The following MAPKBP1 variants were observed in gnomAD, a reference collection of about 807,000 sequenced individuals.
The protein encoded by MAPKBP1 is mitogen-activated protein kinase-binding protein 1.
Under a neutral mutation model 170.5 loss-of-function variants are expected in MAPKBP1, and 71 were observed. The ratio of observed to expected loss-of-function variants is 0.42; its 90% CI spans 0.34 to 0.51. The LOEUF (loss-of-function observed/expected upper bound fraction) is 0.51, where lower values mean the gene tolerates loss of function less well. Among genes scored for constraint, MAPKBP1 ranks in the 20% least tolerant of loss-of-function variants. MAPKBP1 has a pLI of 0.06. For synonymous variants in MAPKBP1, 719 were observed against 757.9 expected (o/e 0.95, Z 0.84); for missense variants, 1,598 against 1,933.0 (o/e 0.83, Z 3.25).
intron 3 of MAPKBP1, among the ~76,000 whole-genome samples, chr15:41,802,552 C>T (rs1289353435): frequency 6.6e-6 from 1 of 152,210 alleles, no homozygotes. Flanking sequence ...TAGCTCACTG[C>T]AACCTCTGCC....
Position 41,818,953 on chromosome 15 carries a change from A to G in MAPKBP1, c.2287A>G (p.Asn763Asp). The change falls in exon 20 of 31, where the codon AAC becomes GAC. Residue 763 changes from asparagine (N) to aspartate (D), a missense_variant. This residue lies in a region of MAPKBP1 where 942 missense variants were observed against 953.2 expected (regional missense o/e 0.99). Coordinates refer to ENST00000457542, the MANE Select transcript of MAPKBP1 (RefSeq NM_014994.3). This position sits in a 1 kb window ranked among gnomAD's most constrained non-coding sequence, Gnocchi z 5.2. The stretch of plus-strand genomic sequence containing the variant: ...CTCTCCCCAAAGGGCTTCTGGACCC[A>G]ACCGGTGAGAACAGAATGTGGGCAA... ...PSSPQRASGP[N>D]RHQAPSMLSP... The G allele has an allele frequency of 6.2e-7, 1 of 1,613,996 alleles. No individual in the cohort carries two copies. The highest frequency in any genetic ancestry group is 1.3e-5 in the African/African-American group (1 of 75,050).
chr15:41,824,172 T>C, intron 29 of MAPKBP1, 111 bp downstream of exon 29: 2 of 1,415,452 alleles, frequency 1.4e-6, no homozygotes, highest in Non-Finnish European at 1.9e-6. Context: ...TGGTGTTTCT[T>C]GTCCTGTCTG....
chr15:41,806,417 C>T (rs1440915052), intron 3 of MAPKBP1, among the ~76,000 whole-genome samples: 3 of 152,206 alleles, frequency 2.0e-5, no homozygotes, highest in East Asian at 1.9e-4. Context: ...GTGTCCTGCT[C>T]CCTGTGTCTG....
chr15:41,791,318 G>A (rs953737178), intron 2 of MAPKBP1, among the ~76,000 whole-genome samples: 1 of 152,140 alleles, frequency 6.6e-6, no homozygotes, highest in Non-Finnish European at 1.5e-5. Context: ...AATCCTAGGG[G>A]ACCCTGGCCT....
Position 41,823,555 on chromosome 15 carries a change from C to G in MAPKBP1, c.3707C>G (p.Ser1236Cys), listed in dbSNP as rs2065038854. 1 of 1,614,202 alleles carries G rather than the reference C, an allele frequency of 6.2e-7. No homozygotes were observed. The highest frequency in any genetic ancestry group is 8.5e-7 in the Non-Finnish European group (1 of 1,180,034). ...CTGCCCCCAGCTGATGGCCGTCCGT[C>G]TCGGCCTCACTCCTATCAGAACCCC... ...GSLPPADGRP[S>C]RPHSYQNPTT... Residue 1236 changes from serine (S) to cysteine (C), a missense_variant, in exon 29 of 31, where the codon TCT becomes TGT. Physicochemically the swap from Ser to Cys is moderately radical, Grantham distance 112 (BLOSUM62 -1). Around this residue, in one of 6 missense-constraint regions of MAPKBP1, gnomAD observed 942 missense variants for 953.2 expected, o/e 0.99. Transcript: ENST00000457542.
rs75031310 is a variant in MAPKBP1, at chr15:41,812,718, G to A, written c.636+65G>A. On this transcript the variant is annotated intron_variant, in intron 7 of 30. Coordinates refer to ENST00000457542, the MANE Select transcript of MAPKBP1 (RefSeq NM_014994.3). ...GCAGGGCCTGCCCAGCCCAACCCAGGAGACTCTGCCCCACTTGGGCCTCTC... is the reference window on the plus strand; with the variant it reads ...GCAGGGCCTGCCCAGCCCAACCCAGAAGACTCTGCCCCACTTGGGCCTCTC... 0.023 allele frequency: 35,132 copies of A among 1,527,764 alleles called. 556 individuals carry two copies. The highest frequency in any genetic ancestry group is 0.025 in the Non-Finnish European group (28,309 of 1,141,672). The allele number at this position is 1,527,764 out of a possible 1,614,324, so 94.6% of individuals were successfully genotyped here.
chr15:41,783,126 C>T (rs549768345), intron 2 of MAPKBP1, among the ~76,000 whole-genome samples: 5 of 152,246 alleles, frequency 3.3e-5, no homozygotes, highest in East Asian at 1.9e-4. Context: ...AAGGGCAGAC[C>T]GACGGATGCC....
chr15:41,819,548 G>GGGGGGA, intron 21 of MAPKBP1, 47 bp from the exon 22 acceptor site: 1 of 993,418 alleles, frequency 1.0e-6, no homozygotes, highest in Middle Eastern at 2.4e-4. Context: ...GTTGGGTGGC[G>GGGGGGA]GGGGGGGGGC....
At chr15:41,791,980 G>A (rs536646920) in intron 2 of MAPKBP1, among the ~76,000 whole-genome samples, 19 of 151,544 alleles carry the variant, frequency 1.3e-4, no homozygotes, top group Admixed American at 2.0e-4. Context: ...ACTTGAACCC[G>A]GGAGGTGGAG....
chr15:41,792,055 C>CAA (rs879326004), intron 2 of MAPKBP1, among the ~76,000 whole-genome samples: 2,216 of 127,372 alleles, frequency 0.017, 62 homozygotes, highest in African/African-American at 0.062. Context: ...AACTCCATCT[C>CAA]AAAAAAAAAA....
chr15:41,804,779 A>T (rs1428780965), intron 3 of MAPKBP1, among the ~76,000 whole-genome samples: 1 of 152,254 alleles, frequency 6.6e-6, no homozygotes, highest in Non-Finnish European at 1.5e-5. Context: ...GGCTTAGGCC[A>T]TCCCTGGGCA....
chr15:41,814,891 G>A (rs1487932181), intron 10 of MAPKBP1, 152 bp downstream of exon 10: 3 of 1,015,316 alleles, frequency 3.0e-6, no homozygotes, highest in Admixed American at 2.6e-5. Flanking sequence ...TGGGGACTGA[G>A]TTTGAATGTT....
At chr15:41,813,526 G>T (rs113467878) in intron 8 of MAPKBP1, 95 bp from the exon 9 acceptor site, 5 of 1,524,990 alleles carry the variant, frequency 3.3e-6, no homozygotes, top group Non-Finnish European at 4.5e-6. Context: ...TGCCTTGGCC[G>T]GTCCCTCCTC....
chr15:41,803,006 C>T (rs776209355), intron 3 of MAPKBP1, among the ~76,000 whole-genome samples: 5 of 152,100 alleles, frequency 3.3e-5, no homozygotes, highest in East Asian at 1.9e-4. Context: ...TATTATGTGA[C>T]GTATGACTGT....
At chr15:41,788,140 T>G (rs780599965) in intron 2 of MAPKBP1, among the ~76,000 whole-genome samples, 16 of 151,968 alleles carry the variant, frequency 1.1e-4, no homozygotes, top group Non-Finnish European at 2.2e-4. Context: ...GTATTCTTAT[T>G]AGAGATGGGG....
chr15:41,787,041 G>A (rs368236861), intron 2 of MAPKBP1, among the ~76,000 whole-genome samples: 52 of 151,098 alleles, frequency 3.4e-4, no homozygotes, highest in Admixed American at 1.5e-3. Context: ...TGGGATTACA[G>A]GCGTAATCCT....
Position 41,822,014 on chromosome 15 carries a change from C to T in MAPKBP1, c.2935C>T (p.Pro979Ser). 2 of 1,610,356 alleles carry T rather than the reference C, an allele frequency of 1.2e-6. No individual in the cohort carries two copies. Among genetic ancestry groups the T allele is most frequent in the Non-Finnish European group, 1.7e-6 (2 of 1,178,278 alleles). The change falls in exon 25 of 31, where the codon CCA (proline) becomes TCA (serine). Residue 979 changes from proline to serine, a missense_variant. By Grantham distance (74) the Pro-to-Ser change is moderately conservative (BLOSUM62 -1). Transcript: ENST00000457542. ...CCGGGGAACTCTGGGAAGAGTGTAC[C>T]CAGGCAGCAGGAGCTCAGAAAAGCA... ...PARGTLGRVY[P>S]GSRSSEKHSP...
rs963407341 is a variant in MAPKBP1, at chr15:41,826,964, C to G, written c.*1528C>G. The G allele has an allele frequency of 6.6e-6, 1 of 152,232 alleles. No individual in the cohort carries two copies. The highest frequency in any genetic ancestry group is 1.5e-5 in the Non-Finnish European group (1 of 68,088). 9.4% of individuals were successfully genotyped at this position (152,232 alleles called of 1,614,324 possible). On this transcript the variant is annotated 3_prime_UTR_variant, in exon 31 of 31. Coordinates refer to ENST00000457542, the MANE Select transcript of MAPKBP1 (RefSeq NM_014994.3). ...CAGCTTCAGGCCACGAGAGCCCCTT[C>G]ACCCGCCCTGCTGCGCCATAGGCAG... is the stretch of plus-strand genomic sequence containing the variant.
intron 2 of MAPKBP1, among the ~76,000 whole-genome samples, chr15:41,781,994 A>T (rs2064196191): frequency 6.6e-6 from 1 of 151,784 alleles, no homozygotes; most frequent in Non-Finnish European, 1.5e-5. Flanking sequence ...CATGCCTGTA[A>T]TCCTAGCATT....
Sources: gnomAD v4.1 joint callset for allele counts (sites outside exome capture counted in the v4.1 genomes callset) on GRCh38, gnomAD v4.1.1 for gene constraint, gnomAD v4.1.1 regional missense constraint, Gnocchi (gnomAD v3.1) non-coding constraint, MANE v1.5 for transcripts, NCBI Gene and HGNC (gene_info 2026-07-23, HGNC 2026-07-21) for gene names.